GRM8: variants seen among roughly 807,000 people sequenced by gnomAD.
GRM8 encodes glutamate metabotropic receptor 8, also known as metabotropic glutamate receptor 8.
GRM8 carries 47 observed loss-of-function variants against 87.2 expected under a neutral mutation model. The observed-to-expected ratio is 0.54, with a 90% CI of 0.43 to 0.69. The LOEUF (loss-of-function observed/expected upper bound fraction) is 0.69. Among genes scored for constraint, GRM8 ranks in the 30% least tolerant of loss-of-function variants. GRM8 has a pLI of 0.00. For missense variants in GRM8, 1,019 were observed against 1,139.2 expected (o/e 0.89, Z 1.52); for synonymous variants, 396 against 404.5 (o/e 0.98, Z 0.25).
chr7:126,855,215 C>T (rs1797566848), intron 6 of GRM8, among the ~76,000 whole-genome samples: 1 of 151,978 alleles, frequency 6.6e-6, no homozygotes, highest in African/African-American at 2.4e-5. Flanking sequence ...AATAGTTGTA[C>T]CTTAATTCTT....
chr7:126,631,659 T>C (rs140379621), intron 7 of GRM8, among the ~76,000 whole-genome samples: 25 of 152,024 alleles, frequency 1.6e-4, no homozygotes, highest in East Asian at 1.2e-3. Flanking sequence ...AGTAACCAGA[T>C]AGCACGGTAC....
At chr7:126,564,882 C>T (rs1455933573) in intron 8 of GRM8, among the ~76,000 whole-genome samples, 1 of 152,078 alleles carries the variant, frequency 6.6e-6, no homozygotes, top group Non-Finnish European at 1.5e-5. Flanking sequence ...TACACCATGG[C>T]CAATTGGGAT....
intron 3 of GRM8, among the ~76,000 whole-genome samples, chr7:126,997,332 A>G (rs967937109): frequency 3.1e-4 from 47 of 151,846 alleles, no homozygotes; most frequent in Admixed American, 2.0e-4. Context: ...TTAAGTGCCT[A>G]TATCAAAAAA....
At chr7:126,623,607 A>T (rs1800392102) in intron 7 of GRM8, among the ~76,000 whole-genome samples, 1 of 152,178 alleles carries the variant, frequency 6.6e-6, no homozygotes, top group Non-Finnish European at 1.5e-5. Flanking sequence ...ATGAAGGCCC[A>T]CTGCTGAGCC....
At position 127,109,335 on chromosome 7, in the gene GRM8, A is replaced by C. The variant is rs1826125625; in HGVS notation, c.511-2623T>G. ...AGTTCCCCCATCCTTTAAAAAAAAAAGTAGTGTCTTTTATAAGCCTCTGTT... is the reference window on the plus strand; with the variant it reads ...AGTTCCCCCATCCTTTAAAAAAAAACGTAGTGTCTTTTATAAGCCTCTGTT... On this transcript the variant is annotated intron_variant, in intron 2 of 10. Coordinates refer to ENST00000339582, the MANE Select transcript of GRM8 (RefSeq NM_000845.3). 2.0e-5 allele frequency among the ~76,000 whole-genome samples: 3 copies of C among 152,254 alleles called. No homozygotes were observed. The South Asian group carries it at 6.2e-4, about 32-fold the overall frequency.
chr7:126,633,460 T>C (rs547517951), intron 7 of GRM8, among the ~76,000 whole-genome samples: 20 of 152,282 alleles, frequency 1.3e-4, no homozygotes, highest in African/African-American at 4.8e-4. Flanking sequence ...AAGATCTTGA[T>C]GTTATTCGCT....
chr7:126,546,969 A>C (rs1379730629), intron 8 of GRM8, among the ~76,000 whole-genome samples: 1 of 152,158 alleles, frequency 6.6e-6, no homozygotes, highest in Non-Finnish European at 1.5e-5. Flanking sequence ...ACCAAGTAAA[A>C]ATCTGAATCC....
At chr7:126,964,454 C>T (rs1809639074) in intron 3 of GRM8, among the ~76,000 whole-genome samples, 2 of 152,128 alleles carry the variant, frequency 1.3e-5, no homozygotes, top group Non-Finnish European at 2.9e-5. Flanking sequence ...AGAACTTAAA[C>T]AAATTTACAA....
At chr7:126,531,584 A>G (rs1207995014) in intron 9 of GRM8, among the ~76,000 whole-genome samples, 2 of 152,188 alleles carry the variant, frequency 1.3e-5, no homozygotes, top group Admixed American at 1.3e-4. Context: ...TCTTATCTTC[A>G]TCACTGCTCC....
At chr7:127,185,510 A>G (rs1239074173) in intron 2 of GRM8, among the ~76,000 whole-genome samples, 2 of 152,196 alleles carry the variant, frequency 1.3e-5, no homozygotes, top group East Asian at 3.8e-4. Flanking sequence ...AAAAGTATAA[A>G]ATTTCTAGAA....
intron 3 of GRM8, among the ~76,000 whole-genome samples, chr7:127,059,031 G>T (rs989743371): frequency 6.6e-6 from 1 of 152,146 alleles, no homozygotes; most frequent in Non-Finnish European, 1.5e-5. Flanking sequence ...AGCAATAAGG[G>T]AGACAAGTGA....
At chr7:126,695,078 A>C (rs1201223114) in intron 7 of GRM8, among the ~76,000 whole-genome samples, 1 of 152,178 alleles carries the variant, frequency 6.6e-6, no homozygotes, top group Non-Finnish European at 1.5e-5. Flanking sequence ...GATTGCATTG[A>C]TGGGTGGCTT....
At chr7:127,040,604 GAAA>G (rs34065508) in intron 3 of GRM8, among the ~76,000 whole-genome samples, 62 of 147,878 alleles carry the variant, frequency 4.2e-4, no homozygotes, top group African/African-American at 6.5e-4. Context: ...TATTCCTTGT[GAAA>G]AAAAAAAAAA....
chr7:126,494,524 T>C (rs1204582480), intron 9 of GRM8, among the ~76,000 whole-genome samples: 1 of 151,942 alleles, frequency 6.6e-6, no homozygotes, highest in Non-Finnish European at 1.5e-5. Flanking sequence ...AACAGTAAAA[T>C]ATGAGCCCAG....
chr7:126,633,633 T>C (rs1801565798), intron 7 of GRM8, among the ~76,000 whole-genome samples: 1 of 152,166 alleles, frequency 6.6e-6, no homozygotes, highest in South Asian at 2.1e-4. Context: ...TGAAGACCTT[T>C]AAATAGTTAA....
At chr7:126,650,402 C>T (rs190097133) in intron 7 of GRM8, among the ~76,000 whole-genome samples, 33 of 152,196 alleles carry the variant, frequency 2.2e-4, no homozygotes, top group African/African-American at 7.5e-4. Flanking sequence ...GCAGGCACCA[C>T]CCAAAAGAGG....
chr7:126,473,301 C>A (rs558249214), intron 9 of GRM8, among the ~76,000 whole-genome samples: 1 of 152,312 alleles, frequency 6.6e-6, no homozygotes, highest in South Asian at 2.1e-4. Flanking sequence ...ACCATGGGAA[C>A]CCACCTCTTG....
chr7:127,053,532 G>A (rs1002204416), intron 3 of GRM8, among the ~76,000 whole-genome samples: 1 of 152,178 alleles, frequency 6.6e-6, no homozygotes, highest in African/African-American at 2.4e-5. Context: ...GCTCATGCCT[G>A]TAATCCCGGC....
chr7:127,130,811 G>T (rs532586694), intron 2 of GRM8, among the ~76,000 whole-genome samples: 1 of 152,114 alleles, frequency 6.6e-6, no homozygotes, highest in Non-Finnish European at 1.5e-5. Context: ...ATGATAGTGA[G>T]AGAGTTCTCA....
Sources: allele counts gnomAD v4.1 joint callset (sites outside exome capture counted in the v4.1 genomes callset), GRCh38; gene constraint gnomAD v4.1.1; transcripts MANE v1.5; gene names NCBI Gene and HGNC (gene_info 2026-07-23, HGNC 2026-07-21).